CDH12: variants seen among roughly 807,000 people sequenced by gnomAD.
CDH12 encodes cadherin 12, also known as cadherin-12.
CDH12 carries 41 observed loss-of-function variants against 74.1 expected under a neutral mutation model. The observed-to-expected ratio is 0.55, with a 90% CI of 0.43 to 0.72. CDH12 has a LOEUF of 0.72. Among genes scored for constraint, CDH12 ranks in the 30% least tolerant of loss-of-function variants. The probability of loss-of-function intolerance (pLI) is 0.00; values close to 1 mark genes in which losing one functional copy is unlikely to be tolerated. For missense variants in CDH12, 945 were observed against 977.2 expected (o/e 0.97, Z 0.44); for synonymous variants, 399 against 355.0 (o/e 1.12, Z -1.39).
At chr5:21,814,081 A>G (rs1747903316) in intron 9 of CDH12, among the ~76,000 whole-genome samples, 1 of 151,972 alleles carries the variant, frequency 6.6e-6, no homozygotes, top group Admixed American at 6.6e-5. Context: ...AGCTTTACTT[A>G]GATAATGAAT....
rs190852867 is a variant in CDH12 at position 22,287,500 on chromosome 5, G to A, written c.-332-74857C>T. On this transcript the variant is annotated intron_variant, in intron 3 of 14. Transcript: ENST00000382254. ...AGCACTTTGGGAGGCCGAGGCGGGC[G>A]GATCACAAGGTCAGGAGATCGAGAC... 4.9e-3 allele frequency among the ~76,000 whole-genome samples: 752 copies of A among 151,934 alleles called. 6 individuals are homozygous for A. Among genetic ancestry groups the A allele is most frequent in the African/African-American group, 0.017 (718 of 41,498 alleles).
At chr5:21,913,300 C>T (rs183881687) in intron 6 of CDH12, among the ~76,000 whole-genome samples, 21 of 147,914 alleles carry the variant, frequency 1.4e-4, no homozygotes, top group Admixed American at 6.0e-4. Context: ...TATTCTGAGT[C>T]CCCACATATT....
chr5:22,344,598 A>G (rs555357183), intron 3 of CDH12, among the ~76,000 whole-genome samples: 2 of 152,294 alleles, frequency 1.3e-5, no homozygotes, highest in East Asian at 3.9e-4. Context: ...TGAACTACCA[A>G]GCATCATTAC....
intron 1 of CDH12, among the ~76,000 whole-genome samples, chr5:22,796,152 T>C (rs1281090320): frequency 6.6e-6 from 1 of 152,214 alleles, no homozygotes; most frequent in Non-Finnish European, 1.5e-5. Context: ...TGCAATAATA[T>C]ACAAGTGCTG....
chr5:22,380,397 C>T (rs537538658), intron 3 of CDH12, among the ~76,000 whole-genome samples: 1 of 152,188 alleles, frequency 6.6e-6, no homozygotes, highest in South Asian at 2.1e-4. Context: ...AGAGAAATTC[C>T]TCCAAAGAAT....
intron 5 of CDH12, among the ~76,000 whole-genome samples, chr5:22,041,350 T>A (rs1018316625): frequency 1.3e-5 from 2 of 152,128 alleles, no homozygotes; most frequent in African/African-American, 4.8e-5. Flanking sequence ...GTAAATGGAT[T>A]AAATTCTCCA....
chr5:22,728,789 A>C (rs1744288530), intron 1 of CDH12, among the ~76,000 whole-genome samples: 1 of 151,784 alleles, frequency 6.6e-6, no homozygotes, highest in Non-Finnish European at 1.5e-5. Flanking sequence ...AAGCTCTCTC[A>C]TATTTCATCT....
chr5:22,777,292 A>C lies in CDH12; in HGVS notation c.-523+75766T>G, dbSNP rs373804657. Among the ~76,000 whole-genome samples, 192 of 152,302 alleles carry C rather than the reference A, an allele frequency of 1.3e-3. 1 individual carries two copies. Among genetic ancestry groups the C allele is most frequent in the African/African-American group, 4.4e-3 (181 of 41,560 alleles). ...ATCTTCATTGCATTACACTTAGTGT[A>C]TAATCCATATTTATTTATTTATAAG... On this transcript the variant is annotated intron_variant, in intron 1 of 14. Transcript: ENST00000382254.
chr5:22,225,107 A>G (rs1434014849), intron 3 of CDH12, among the ~76,000 whole-genome samples: 1 of 152,030 alleles, frequency 6.6e-6, no homozygotes, highest in Non-Finnish European at 1.5e-5. Context: ...GACCAAAGCC[A>G]CTCAGATAGC....
rs140577735 is a variant in CDH12, at chr5:22,551,107, A to G, written c.-522-45743T>C. ...TGTCAGAGCCTTTAAAAAGGTAATT[A>G]GAATTAAATGAGATCATAAGGGCGG... On this transcript the variant is annotated intron_variant, in intron 1 of 14. Transcript: ENST00000382254. Among the ~76,000 whole-genome samples, 598 of 152,320 alleles carry G rather than the reference A, an allele frequency of 3.9e-3. 6 individuals carry two copies. The highest frequency in any genetic ancestry group is 0.014 in the African/African-American group (579 of 41,586).
intron 1 of CDH12, chr5:22,580,341 T>C (rs139361248): frequency 4.5e-4 from 203 of 452,794 alleles, no homozygotes; most frequent in Non-Finnish European, 7.9e-4. Flanking sequence ...CAGCATCCAT[T>C]TCAAGTCACC....
chr5:22,255,406 AT>A (rs1418285330), intron 3 of CDH12, among the ~76,000 whole-genome samples: 3 of 151,808 alleles, frequency 2.0e-5, no homozygotes, highest in African/African-American at 7.2e-5. Flanking sequence ...ACTTTTTAAA[AT>A]ATGTATGCTA....
intron 2 of CDH12, among the ~76,000 whole-genome samples, chr5:22,464,140 C>T (rs745667898): frequency 5.1e-4 from 78 of 152,298 alleles, no homozygotes; most frequent in Non-Finnish European, 1.0e-3. Flanking sequence ...AGGAATTCCC[C>T]TGCACAAGCT....
At chr5:21,864,036 A>G (rs1751194359) in intron 6 of CDH12, among the ~76,000 whole-genome samples, 1 of 152,194 alleles carries the variant, frequency 6.6e-6, no homozygotes, top group African/African-American at 2.4e-5. Context: ...GCAAAAGAAA[A>G]TTGAAATTTA....
chr5:21,777,053 G>A (rs957590009), intron 11 of CDH12, among the ~76,000 whole-genome samples: 20 of 152,186 alleles, frequency 1.3e-4, no homozygotes, highest in African/African-American at 4.3e-4. Flanking sequence ...TCAACTAAGT[G>A]TGCTATTATG....
At chr5:22,126,784 A>G (rs1334968774) in intron 4 of CDH12, among the ~76,000 whole-genome samples, 1 of 152,138 alleles carries the variant, frequency 6.6e-6, no homozygotes, top group African/African-American at 2.4e-5. Context: ...GATGCATCAA[A>G]AAGACTGGTT....
In CDH12 at chr5:21,833,260, C is replaced by CATATAATATATATTATATGTTATATAAT. The variant is rs1561225515; in HGVS notation, c.814+8900_814+8901insATTATATAACATATAATATATATTATAT. On this transcript the variant is annotated intron_variant, in intron 8 of 14. Transcript: ENST00000382254. ...ATAATATATATTATATATTATATAA[C>CATATAATATATATTATATGTTATATAAT]ATATAATATATATTATATGTTATAT... Among the ~76,000 whole-genome samples, 11 of 25,520 alleles carry CATATAATATATATTATATGTTATATAAT rather than the reference C, an allele frequency of 4.3e-4. 1 individual carries two copies. Among genetic ancestry groups the CATATAATATATATTATATGTTATATAAT allele is most frequent in the South Asian group, 3.8e-3 (3 of 798 alleles). 16.7% of individuals were successfully genotyped at this position (25,520 alleles called of 152,430 possible). A position where few individuals can be genotyped will look rare whatever the true frequency, so the allele number is the denominator to read the frequency against.
At chr5:21,908,068 G>A (rs1169470569) in intron 6 of CDH12, among the ~76,000 whole-genome samples, 2 of 152,072 alleles carry the variant, frequency 1.3e-5, no homozygotes, top group Non-Finnish European at 2.9e-5. Context: ...TGGCCTTTAT[G>A]GTATTTAGGT....
intron 1 of CDH12, among the ~76,000 whole-genome samples, chr5:22,614,632 A>T (rs1410531885): frequency 6.6e-6 from 1 of 152,108 alleles, no homozygotes; most frequent in African/African-American, 2.4e-5. Flanking sequence ...GAGTTGACAT[A>T]GATATAGCAA....
Sources: allele counts gnomAD v4.1 joint callset (sites outside exome capture counted in the v4.1 genomes callset), GRCh38; gene constraint gnomAD v4.1.1; transcripts MANE v1.5; gene names NCBI Gene and HGNC (gene_info 2026-07-23, HGNC 2026-07-21).